RBFOX1: variants seen among roughly 807,000 people sequenced by gnomAD.
RBFOX1 encodes the protein RNA binding fox-1 homolog 1.
In RBFOX1, 8 loss-of-function variants were observed where a neutral mutation model predicts 57.7. The ratio of observed to expected loss-of-function variants is 0.14; its 90% CI spans 0.08 to 0.25. The LOEUF (loss-of-function observed/expected upper bound fraction) is 0.25, where lower values mean the gene tolerates loss of function less well. Ranked by LOEUF, RBFOX1 falls within the 10% of genes least tolerant of loss-of-function variation. The probability of loss-of-function intolerance (pLI) is 1.00; values close to 1 mark genes in which losing one functional copy is unlikely to be tolerated. For missense variants in RBFOX1, 611 were observed against 548.5 expected (o/e 1.11, Z -1.14); for synonymous variants, 326 against 222.4 (o/e 1.47, Z -4.15).
At chr16:6,188,674 G>GA (rs1367435109) in intron 1 of RBFOX1, among the ~76,000 whole-genome samples, 2 of 152,216 alleles carry the variant, frequency 1.3e-5, no homozygotes, top group Non-Finnish European at 2.9e-5. Flanking sequence ...AGCTGTGAAT[G>GA]AAAAAATCTT....
chr16:5,645,457 T>C (rs1055951105), intron 3 of RBFOX1, among the ~76,000 whole-genome samples: 1 of 152,178 alleles, frequency 6.6e-6, no homozygotes, highest in Non-Finnish European at 1.5e-5. Context: ...TGTTTGGGAA[T>C]TGGATGTGAT....
chr16:5,446,958 C>T (rs1220441150), intron 1 of RBFOX1, among the ~76,000 whole-genome samples: 1 of 152,188 alleles, frequency 6.6e-6, no homozygotes, highest in Non-Finnish European at 1.5e-5. Context: ...AACTCCCACA[C>T]AGTCATCTTG....
intron 11 of RBFOX1, among the ~76,000 whole-genome samples, chr16:7,643,306 A>G (rs983979646): frequency 2.0e-5 from 3 of 152,218 alleles, no homozygotes; most frequent in African/African-American, 7.2e-5. Context: ...TGTGCTCATT[A>G]CATGTAATTT....
chr16:6,046,511 G>A (rs931985816), intron 1 of RBFOX1, among the ~76,000 whole-genome samples: 2 of 152,114 alleles, frequency 1.3e-5, no homozygotes, highest in African/African-American at 4.8e-5. Context: ...GAAGAATTCA[G>A]GTCTAAAAGT....
At position 5,736,340 on chromosome 16, in the gene RBFOX1, C is replaced by T. The variant is rs781433977; in HGVS notation, c.319-130963C>T. On this transcript the variant is annotated intron_variant, in intron 3 of 19. Transcript: ENST00000641259. ...GAATCAGATGTGTCACTATCTATAG[C>T]GACCCCTCCTCCCATCTTTTTTACT... 4.6e-5 allele frequency among the ~76,000 whole-genome samples: 7 copies of T among 152,102 alleles called. No homozygotes were observed. In the East Asian group the frequency reaches 7.7e-4, roughly 17 times the overall value.
At chr16:5,512,095 G>A (rs1410985366) in intron 2 of RBFOX1, among the ~76,000 whole-genome samples, 1 of 152,192 alleles carries the variant, frequency 6.6e-6, no homozygotes, top group Non-Finnish European at 1.5e-5. Context: ...TGTCTTGTCC[G>A]GAGGAGGGTA....
intron 2 of RBFOX1, among the ~76,000 whole-genome samples, chr16:6,631,055 G>A (rs1247601791): frequency 1.3e-5 from 2 of 152,140 alleles, no homozygotes; most frequent in Non-Finnish European, 2.9e-5. Flanking sequence ...TGTTTAATAT[G>A]AATGAAAGTA....
At chr16:5,518,725 A>T (rs1413682186) in intron 2 of RBFOX1, among the ~76,000 whole-genome samples, 8 of 152,134 alleles carry the variant, frequency 5.3e-5, no homozygotes, top group Non-Finnish European at 1.5e-5. Flanking sequence ...GACATCCTCA[A>T]CTGTGAAGCG....
At chr16:6,005,637 C>T (rs1249166204) in intron 4 of RBFOX1, among the ~76,000 whole-genome samples, 1 of 152,212 alleles carries the variant, frequency 6.6e-6, no homozygotes, top group African/African-American at 2.4e-5. Context: ...ATACCACAAG[C>T]ATCCCTTCTC....
intron 4 of RBFOX1, among the ~76,000 whole-genome samples, chr16:7,410,984 C>T (rs1013119234): frequency 1.3e-5 from 2 of 152,060 alleles, no homozygotes; most frequent in Non-Finnish European, 2.9e-5. Flanking sequence ...CTCACTCTGT[C>T]ACCCAGGTTG....
intron 2 of RBFOX1, among the ~76,000 whole-genome samples, chr16:6,493,319 A>T (rs1234424463): frequency 6.6e-6 from 1 of 152,176 alleles, no homozygotes; most frequent in South Asian, 2.1e-4. Context: ...TTTCCTAAAA[A>T]TATTAAATAT....
intron 2 of RBFOX1, among the ~76,000 whole-genome samples, chr16:6,488,440 C>G (rs775152070): frequency 5.9e-5 from 9 of 152,146 alleles, no homozygotes; most frequent in Non-Finnish European, 1.0e-4. Flanking sequence ...CTTACTGACT[C>G]CCTCTGTGCA....
intron 2 of RBFOX1, among the ~76,000 whole-genome samples, chr16:6,506,044 C>A (rs543169590): frequency 6.6e-6 from 1 of 152,136 alleles, no homozygotes; most frequent in Non-Finnish European, 1.5e-5. Context: ...AGGAAAGATT[C>A]CTGATTCTAG....
intron 4 of RBFOX1, among the ~76,000 whole-genome samples, chr16:5,914,194 G>C (rs1245158925): frequency 1.3e-5 from 2 of 152,218 alleles, no homozygotes; most frequent in Non-Finnish European, 2.9e-5. Flanking sequence ...TCTTCATTTT[G>C]AGTTAACAGT....
chr16:6,109,767 A>C (rs1272174870), intron 1 of RBFOX1, among the ~76,000 whole-genome samples: 3 of 152,224 alleles, frequency 2.0e-5, no homozygotes, highest in African/African-American at 7.2e-5. Flanking sequence ...CTGAAATGCC[A>C]CAGGAATCCT....
chr16:7,495,889 A>T (rs2068474341), intron 4 of RBFOX1, among the ~76,000 whole-genome samples: 1 of 101,054 alleles, frequency 9.9e-6, no homozygotes, highest in Admixed American at 1.2e-4. Flanking sequence ...TTCTCCATTC[A>T]AAGATACTAG....
intron 3 of RBFOX1, among the ~76,000 whole-genome samples, chr16:6,702,359 G>C (rs1445605275): frequency 6.6e-6 from 1 of 152,140 alleles, no homozygotes; most frequent in African/African-American, 2.4e-5. Context: ...TTCAAGACCA[G>C]ACTGGCCAAC....
intron 1 of RBFOX1, among the ~76,000 whole-genome samples, chr16:6,066,225 T>A (rs2343570): frequency 6.8e-5 from 10 of 147,152 alleles, no homozygotes; most frequent in African/African-American, 2.6e-4. Context: ...ACTGGGGGGG[T>A]TGGAGGTTGC....
chr16:7,188,908 T>C (rs926687838), intron 4 of RBFOX1, among the ~76,000 whole-genome samples: 1 of 151,954 alleles, frequency 6.6e-6, no homozygotes, highest in Non-Finnish European at 1.5e-5. Flanking sequence ...CAGCTAAGGA[T>C]TGGGGAAAGT....
Sources: allele counts gnomAD v4.1 joint callset (sites outside exome capture counted in the v4.1 genomes callset), GRCh38; gene constraint gnomAD v4.1.1; transcripts MANE v1.5; gene names NCBI Gene and HGNC (gene_info 2026-07-23, HGNC 2026-07-21).